KLHDC4: variants seen among roughly 807,000 people sequenced by gnomAD.
The protein encoded by KLHDC4 is kelch domain-containing protein 4.
A neutral mutation model predicts 62.4 loss-of-function variants in KLHDC4; 90 were observed. The observed-to-expected ratio is 1.44, with a 90% CI of 1.22 to 1.72. The LOEUF (loss-of-function observed/expected upper bound fraction) is 1.72. Ranked by LOEUF, KLHDC4 falls within the 40% of genes most tolerant of loss-of-function variation. The pLI is 0.00. For missense variants in KLHDC4, 1,025 were observed against 699.7 expected (o/e 1.47, Z -5.25); for synonymous variants, 386 against 284.4 (o/e 1.36, Z -3.59).
chr16:87,711,077 T>C lies in KLHDC4; in HGVS notation c.1044+158A>G, dbSNP rs74039485. On this transcript the variant is annotated intron_variant, in intron 9 of 11. Transcript: ENST00000270583. ...GTGACCAAGGGCTCTCCAAGCCTAG[T>C]CACCCAGGACAGTCAGAGACGGAAC... 5,136 of 661,572 alleles carry C rather than the reference T, an allele frequency of 7.8e-3. 179 individuals are homozygous for C. The African/African-American group carries it at 0.08, about 10-fold the overall frequency. 41.0% of individuals were successfully genotyped at this position (661,572 alleles called of 1,614,324 possible). A position where few individuals can be genotyped will look rare whatever the true frequency, so the allele number is the denominator to read the frequency against.
At chr16:87,765,024 G>A (rs1004164398) in intron 1 of KLHDC4, 2 of 429,092 alleles carry the variant, frequency 4.7e-6, no homozygotes, top group South Asian at 1.7e-5. Context: ...TTCACCTGTT[G>A]GTCTTCCTGT....
chr16:87,753,598 G>A (rs1212084968), intron 4 of KLHDC4, among the ~76,000 whole-genome samples: 1 of 151,452 alleles, frequency 6.6e-6, no homozygotes, highest in Non-Finnish European at 1.5e-5. Flanking sequence ...TCAGGAGTTC[G>A]AAACCAGCCT....
chr16:87,712,982 T>G (rs1162475467), intron 8 of KLHDC4, among the ~76,000 whole-genome samples: 1 of 152,228 alleles, frequency 6.6e-6, no homozygotes, highest in East Asian at 1.9e-4. Flanking sequence ...CTGTGCCTCC[T>G]GGCATCACTC....
Position 87,737,789 on chromosome 16 carries a change from C to A in KLHDC4, c.507-7145G>T, listed in dbSNP as rs528104076. Among the ~76,000 whole-genome samples the A allele has an allele frequency of 3.3e-5, 5 of 152,066 alleles. No homozygotes were observed. The East Asian group carries it at 9.7e-4, about 29-fold the overall frequency. On this transcript the variant is annotated intron_variant, in intron 5 of 11. Coordinates refer to ENST00000270583, the MANE Select transcript of KLHDC4 (RefSeq NM_017566.4). ...GTATTTCTGTAGAGATGGCGTTTCACCATGTTGGTCAAGATGGTCTTGAAC... is the reference window on the plus strand; with the variant it reads ...GTATTTCTGTAGAGATGGCGTTTCAACATGTTGGTCAAGATGGTCTTGAAC...
At chr16:87,699,234 G>A (rs2034030264) in exon 1 of KLHDC4, 1 of 152,264 alleles carries the variant, frequency 6.6e-6, no homozygotes, top group Non-Finnish European at 1.5e-5. Context: ...GGTGCTTTCT[G>A]AAGTTCAGTA....
At chr16:87,757,687 C>G (rs967638312) in intron 2 of KLHDC4, among the ~76,000 whole-genome samples, 4 of 151,812 alleles carry the variant, frequency 2.6e-5, no homozygotes, top group African/African-American at 4.8e-5. Flanking sequence ...GTGAGGAGTT[C>G]AAGACCAGCC....
intron 5 of KLHDC4, among the ~76,000 whole-genome samples, chr16:87,742,801 A>AC (rs1567774282): frequency 1.3e-5 from 2 of 151,354 alleles, no homozygotes; most frequent in Non-Finnish European, 2.9e-5. Context: ...TGCCAGGAAA[A>AC]CCCCCCACTG....
At chr16:87,711,591 GA>G in intron 8 of KLHDC4, 148 bp from the exon 9 acceptor site, 1 of 650,122 alleles carries the variant, frequency 1.5e-6, no homozygotes, top group Non-Finnish European at 2.6e-6. Context: ...TCCCTCTGCA[GA>G]AAAACAGACA....
At chr16:87,708,314 A>T in intron 11 of KLHDC4, 36 bp downstream of exon 11, 1 of 1,384,032 alleles carries the variant, frequency 7.2e-7, no homozygotes, top group Non-Finnish European at 1.0e-6. Context: ...ACGAACACCC[A>T]GCAGCCGCGC....
At position 87,701,959 on chromosome 16, in the gene KLHDC4, CCTT is replaced by C. The variant is rs1311034621; in HGVS notation, c.553_555del (p.Lys185del). 2.2e-5 allele frequency: 10 copies of C among 456,296 alleles called. No homozygotes were observed. The Admixed American group carries it at 2.3e-4, about 11-fold the overall frequency. The allele number at this position is 456,296 out of a possible 1,614,324, so 28.3% of individuals were successfully genotyped here. Reference sequence around the variant, plus strand: ...AGTGGTAGATGGGGCTCTGCTCTGTCCTTCTTGGTCATCTTCCTGGGCCTGCAA... The same window carrying C: ...AGTGGTAGATGGGGCTCTGCTCTGTCCTTGGTCATCTTCCTGGGCCTGCAA... On this transcript the variant is annotated inframe_deletion, in exon 1 of 1. Coordinates refer to the KLHDC4 transcript ENST00000446344.
chr16:87,707,498 G>A (rs775643186), downstream of KLHDC4, among the ~76,000 whole-genome samples: 14 of 152,306 alleles, frequency 9.2e-5, no homozygotes, highest in African/African-American at 2.6e-4. Context: ...GGTGCTTCAC[G>A]TGAATGAGAA....
rs571257889 is a variant in KLHDC4, at chr16:87,758,927, G to C, written c.192-2450C>G. ...GCATTGGCTCATGCCTGTAATCCCA[G>C]CACTTTCGGAGGCCGAGGCGGGCGG... On this transcript the variant is annotated intron_variant, in intron 2 of 11. Transcript: ENST00000270583. Among the ~76,000 whole-genome samples the C allele has an allele frequency of 2.0e-5, 3 of 152,314 alleles. No homozygotes were observed. The South Asian group carries it at 6.2e-4, about 32-fold the overall frequency.
chr16:87,711,471 TAAG>T (rs1567661101), intron 8 of KLHDC4, 28 bp from the exon 9 acceptor site: 1 of 1,583,882 alleles, frequency 6.3e-7, no homozygotes, highest in Admixed American at 1.7e-5. Context: ...GGAAGTGGGA[TAAG>T]AACACAAGGA....
At chr16:87,752,305 T>C (rs72812225) in intron 4 of KLHDC4, among the ~76,000 whole-genome samples, 4,652 of 148,578 alleles carry the variant, frequency 0.031, 94 homozygotes, top group Middle Eastern at 0.058. Context: ...GGCAAGAGTG[T>C]AATCCACAAT....
chr16:87,735,279 A>G (rs1327886645), intron 5 of KLHDC4, among the ~76,000 whole-genome samples: 32 of 150,970 alleles, frequency 2.1e-4, no homozygotes, highest in Non-Finnish European at 3.7e-4. Flanking sequence ...CAGCCTGGGC[A>G]ACACAGCGAG....
Position 87,707,842 on chromosome 16 carries a change from A to G in KLHDC4, c.*235T>C. On this transcript the variant is annotated 3_prime_UTR_variant, in exon 12 of 12. Transcript: ENST00000270583. ...TTTCAAGTCCAATTTATTTCACACA[A>G]CACACAGGCTGCTGAGGGAATCCAC... 1 of 414,716 alleles carries G rather than the reference A, an allele frequency of 2.4e-6. No homozygotes were observed. Among genetic ancestry groups the G allele is most frequent in the Admixed American group, 2.6e-5 (1 of 39,018 alleles). The allele number at this position is 414,716 out of a possible 1,614,324, so 25.7% of individuals were successfully genotyped here. A position where few individuals can be genotyped will look rare whatever the true frequency, so the allele number is the denominator to read the frequency against.
chr16:87,705,917 T>C (rs2034616546), downstream of KLHDC4, among the ~76,000 whole-genome samples: 1 of 152,230 alleles, frequency 6.6e-6, no homozygotes, highest in Non-Finnish European at 1.5e-5. Flanking sequence ...TCAGACAAAG[T>C]GCCCAGACCG....
intron 3 of KLHDC4, 111 bp downstream of exon 3, chr16:87,756,288 A>T: frequency 1.3e-6 from 1 of 793,784 alleles, no homozygotes; most frequent in South Asian, 1.5e-5. Context: ...CAAGCGCGTG[A>T]TACAAGGGGT....
At chr16:87,751,481 A>G (rs1281899385) in intron 4 of KLHDC4, among the ~76,000 whole-genome samples, 2 of 118,302 alleles carry the variant, frequency 1.7e-5, no homozygotes, top group African/African-American at 6.3e-5. Flanking sequence ...CTCAAAAAAA[A>G]AAGAAAAAAA....
Sources: allele counts gnomAD v4.1 joint callset (sites outside exome capture counted in the v4.1 genomes callset), GRCh38; gene constraint gnomAD v4.1.1; transcripts MANE v1.5; gene names NCBI Gene and HGNC (gene_info 2026-07-23, HGNC 2026-07-21).